Variants in PIBF1 observed in about 807,000 individuals in gnomAD.
PIBF1 encodes progesterone-induced-blocking factor 1.
Under a neutral mutation model 112.5 loss-of-function variants are expected in PIBF1, and 90 were observed. The ratio of observed to expected loss-of-function variants is 0.80; its 90% confidence interval spans 0.67 to 0.95. The LOEUF (loss-of-function observed/expected upper bound fraction) is 0.95. PIBF1 is among the 40% of genes least tolerant of loss of function. PIBF1 has a pLI of 0.00. For synonymous variants in PIBF1, 301 were observed against 288.6 expected, an observed-to-expected ratio of 1.04 and a Z score of -0.44; for missense variants, 915 against 852.3, an observed-to-expected ratio of 1.07 and a Z score of -0.92.
At chr13:72,816,952 C>G (rs190578126) in intron 5 of PIBF1, among the ~76,000 whole-genome samples, 2 of 152,192 alleles carry the variant, frequency 1.3e-5, no homozygotes, top group East Asian at 3.9e-4. Flanking sequence ...CTATAGCAGT[C>G]AAAGCTTAAT....
At position 72,927,953 on chromosome 13, in the gene PIBF1, A is replaced by ATATATG. The variant is rs1555316848; in HGVS notation, c.1731-3207_1731-3206insGTATAT. Among the ~76,000 whole-genome samples the ATATATG allele has an allele frequency of 6.7e-3, 426 of 63,248 alleles. 8 individuals carry two copies. Among genetic ancestry groups the ATATATG allele is most frequent in the African/African-American group, 0.025 (405 of 15,962 alleles). The allele number at this position is 63,248 out of a possible 152,430, so 41.5% of individuals were successfully genotyped here. On this transcript the variant is annotated intron_variant, in intron 13 of 17. Coordinates refer to ENST00000326291, the MANE Select transcript of PIBF1 (RefSeq NM_006346.4). Reference sequence around the variant, plus strand: ...ATTTCTAATATATGTGTGTATATATATATATACACATATATATATATATAC... The same window carrying ATATATG: ...ATTTCTAATATATGTGTGTATATATATATATGTATATACACATATATATATATATAC...
chr13:72,929,886 G>A (rs1431959363), intron 13 of PIBF1, among the ~76,000 whole-genome samples: 2 of 151,798 alleles, frequency 1.3e-5, no homozygotes, highest in Non-Finnish European at 2.9e-5. Context: ...TTAGAGACAG[G>A]GTCTCTGTGT....
chr13:72,908,894 C>CAAA (rs1400426858), intron 12 of PIBF1, among the ~76,000 whole-genome samples: 1 of 149,906 alleles, frequency 6.7e-6, no homozygotes, highest in Admixed American at 6.7e-5. Context: ...ACTAAAAATA[C>CAAA]AAAAAAAAAT....
intron 10 of PIBF1, among the ~76,000 whole-genome samples, chr13:72,881,760 A>G (rs1421836123): frequency 6.6e-6 from 1 of 151,972 alleles, no homozygotes; most frequent in East Asian, 1.9e-4. Context: ...TGAAAACTAT[A>G]AAACACTGAT....
intron 14 of PIBF1, among the ~76,000 whole-genome samples, chr13:72,940,196 C>T (rs1468465310): frequency 6.6e-6 from 1 of 152,022 alleles, no homozygotes; most frequent in East Asian, 1.9e-4. Context: ...ATGATGTTCT[C>T]TTCAGTTTTT....
At chr13:72,939,220 G>C (rs1288250082) in intron 14 of PIBF1, among the ~76,000 whole-genome samples, 3 of 151,880 alleles carry the variant, frequency 2.0e-5, no homozygotes, top group Non-Finnish European at 4.4e-5. Context: ...TGGTTTTGTG[G>C]GTTTTTTATT....
At chr13:72,975,065 T>C (rs1288827434) in intron 16 of PIBF1, among the ~76,000 whole-genome samples, 1 of 151,456 alleles carries the variant, frequency 6.6e-6, no homozygotes, top group Non-Finnish European at 1.5e-5. Flanking sequence ...TTTTTTTTTT[T>C]TTTTTTTGGA....
chr13:72,788,804 GT>G (rs2034738282), intron 2 of PIBF1, among the ~76,000 whole-genome samples: 1 of 152,160 alleles, frequency 6.6e-6, no homozygotes, highest in Admixed American at 6.5e-5. Flanking sequence ...AGGCAAGTAA[GT>G]TTTTTCTTCT....
intron 9 of PIBF1, among the ~76,000 whole-genome samples, chr13:72,849,525 A>C (rs17209721): frequency 0.21 from 31,945 of 152,200 alleles, 3,449 homozygotes; most frequent in Middle Eastern, 0.27. Flanking sequence ...CTGTGGAAGG[A>C]ATACATCTAG....
intron 10 of PIBF1, among the ~76,000 whole-genome samples, chr13:72,870,648 TTA>T (rs995196402): frequency 4.6e-5 from 7 of 152,070 alleles, no homozygotes; most frequent in African/African-American, 1.4e-4. Context: ...AAGCAAAATT[TTA>T]TATATGTTAA....
intron 6 of PIBF1, 48 bp downstream of exon 6, chr13:72,822,030 C>T: frequency 2.0e-6 from 3 of 1,504,224 alleles, no homozygotes; most frequent in East Asian, 2.4e-5. Flanking sequence ...TTTTAGGGTG[C>T]ATCAAAGTCA....
rs146718483 is a variant in PIBF1 at position 72,830,487 on chromosome 13, G to C, written c.1097+2573G>C. 3.2e-3 allele frequency among the ~76,000 whole-genome samples: 484 copies of C among 152,210 alleles called. 4 individuals are homozygous for C. Among genetic ancestry groups the C allele is most frequent in the African/African-American group, 0.011 (451 of 41,522 alleles). On this transcript the variant is annotated intron_variant, in intron 8 of 17. Coordinates refer to ENST00000326291, the MANE Select transcript of PIBF1 (RefSeq NM_006346.4). ...TTTATTGAGAGTTTTTAGCATGAAG[G>C]GGTGTTGAATTTTGTCAAAGGCCTT...
At chr13:72,887,581 A>G (rs1268013874) in intron 10 of PIBF1, among the ~76,000 whole-genome samples, 1 of 152,000 alleles carries the variant, frequency 6.6e-6, no homozygotes, top group South Asian at 2.1e-4. Flanking sequence ...GAAGTAAAGG[A>G]TATATCTAAG....
In PIBF1 at chr13:72,798,015, C is replaced by G. The variant is rs776783178; in HGVS notation, c.661C>G (p.Gln221Glu). The change falls in exon 5 of 18, where the codon CAG becomes GAG. Residue 221 changes from glutamine (Q) to glutamate (E), a missense_variant. Physicochemically the swap from Gln to Glu is conservative, Grantham distance 29. Coordinates refer to ENST00000326291, the MANE Select transcript of PIBF1 (RefSeq NM_006346.4). ...ELSTNKNQLK[Q>E]LTETYEEDRK... is the part of the protein sequence containing the mutation. Reference sequence around the variant, plus strand: ...AAGTACAAACAAAAACCAACTGAAGCAGCTGACAGAGGTTTGTATGGTTTT... The same window carrying G: ...AAGTACAAACAAAAACCAACTGAAGGAGCTGACAGAGGTTTGTATGGTTTT... 1 of 1,602,938 alleles carries G rather than the reference C, an allele frequency of 6.2e-7. No homozygotes were observed. Among genetic ancestry groups the G allele is most frequent in the Non-Finnish European group, 8.5e-7 (1 of 1,176,212 alleles).
intron 17 of PIBF1, among the ~76,000 whole-genome samples, chr13:72,999,933 G>T (rs1270996595): frequency 6.6e-6 from 1 of 152,190 alleles, no homozygotes; most frequent in Non-Finnish European, 1.5e-5. Flanking sequence ...CCCGGGTGTG[G>T]TGGCACACGC....
intron 16 of PIBF1, among the ~76,000 whole-genome samples, chr13:72,977,795 C>A (rs1307601720): frequency 6.6e-6 from 1 of 152,100 alleles, no homozygotes; most frequent in Non-Finnish European, 1.5e-5. Flanking sequence ...GTGTATTGAT[C>A]TCTTACAATT....
intron 14 of PIBF1, among the ~76,000 whole-genome samples, chr13:72,954,630 C>G (rs1166039352): frequency 6.6e-6 from 1 of 152,216 alleles, no homozygotes; most frequent in Non-Finnish European, 1.5e-5. Context: ...AGGCCTTCCC[C>G]TGTGGCCTGG....
intron 14 of PIBF1, among the ~76,000 whole-genome samples, chr13:72,945,858 G>A (rs1291688780): frequency 4.6e-5 from 7 of 151,994 alleles, no homozygotes; most frequent in South Asian, 4.1e-4. Context: ...ATGATTATAC[G>A]AATATATATG....
intron 16 of PIBF1, among the ~76,000 whole-genome samples, chr13:72,990,354 C>A (rs2043435224): frequency 6.8e-6 from 1 of 146,666 alleles, no homozygotes; most frequent in Non-Finnish European, 1.5e-5. Context: ...AACCCCGTCT[C>A]TACTAAAAAT....
Sources: gnomAD v4.1 joint callset for allele counts (sites outside exome capture counted in the v4.1 genomes callset) on GRCh38, gnomAD v4.1.1 for gene constraint, MANE v1.5 for transcripts, NCBI Gene and HGNC (gene_info 2026-07-23, HGNC 2026-07-21) for gene names.